Variants in RGS7 observed in about 807,000 individuals in gnomAD.
The protein encoded by RGS7 is regulator of G protein signaling 7.
RGS7 carries 27 observed loss-of-function variants against 81.1 expected under a neutral mutation model. That is an observed-to-expected ratio of 0.33 (90% confidence interval 0.25 to 0.46). The LOEUF is 0.46. RGS7 is among the 20% of genes least tolerant of loss of function. The pLI is 1.00. For missense variants in RGS7, 396 were observed against 607.4 expected (o/e 0.65, Z 3.66); for synonymous variants, 208 against 207.7 (o/e 1.00, Z -0.01).
At chr1:240,956,687 A>C (rs1456398256) in intron 4 of RGS7, among the ~76,000 whole-genome samples, 1 of 152,162 alleles carries the variant, frequency 6.6e-6, no homozygotes, top group African/African-American at 2.4e-5. Flanking sequence ...TAACTGAAAG[A>C]AGCCACTCTA....
intron 2 of RGS7, among the ~76,000 whole-genome samples, chr1:241,129,778 T>A (rs1255224995): frequency 5.3e-5 from 8 of 151,982 alleles, no homozygotes. Context: ...CCAAAAAACT[T>A]CCAGGTGTTA....
At chr1:241,044,198 C>T (rs923015998) in intron 3 of RGS7, among the ~76,000 whole-genome samples, 3 of 151,346 alleles carry the variant, frequency 2.0e-5, no homozygotes, top group East Asian at 1.9e-4. Context: ...ACTGCAACCC[C>T]GCCTCCTGGG....
At chr1:240,932,868 G>T (rs1675762009) in intron 5 of RGS7, among the ~76,000 whole-genome samples, 2 of 138,496 alleles carry the variant, frequency 1.4e-5, no homozygotes, top group Admixed American at 7.4e-5. Flanking sequence ...TTCTACTTTG[G>T]TATCTTTCTT....
chr1:241,141,856 A>G (rs2067943129), intron 2 of RGS7, among the ~76,000 whole-genome samples: 1 of 152,188 alleles, frequency 6.6e-6, no homozygotes, highest in African/African-American at 2.4e-5. Context: ...CCACAGTCCA[A>G]AGTCTCATCT....
intron 3 of RGS7, among the ~76,000 whole-genome samples, chr1:241,056,708 A>C (rs1368703841): frequency 6.6e-6 from 1 of 152,230 alleles, no homozygotes; most frequent in Non-Finnish European, 1.5e-5. Context: ...GTTCAGTCCA[A>C]GAGACCATTC....
intron 9 of RGS7, among the ~76,000 whole-genome samples, chr1:240,853,483 T>C (rs2147940657): frequency 6.6e-6 from 1 of 152,250 alleles, no homozygotes; most frequent in East Asian, 1.9e-4. Context: ...TGGGAATCAT[T>C]TGAAAATTTA....
At chr1:240,866,944 T>C (rs1256364359) in intron 9 of RGS7, among the ~76,000 whole-genome samples, 2 of 152,206 alleles carry the variant, frequency 1.3e-5, no homozygotes, top group East Asian at 1.9e-4. Context: ...AGCCACCAGA[T>C]GTCCAGGGGA....
chr1:241,009,681 T>A (rs2058855286), intron 3 of RGS7, among the ~76,000 whole-genome samples: 1 of 152,196 alleles, frequency 6.6e-6, no homozygotes, highest in African/African-American at 2.4e-5. Context: ...GACACACGAC[T>A]GTAAACCCAG....
chr1:241,337,344 CAT>C (rs1558333598), intron 2 of RGS7, among the ~76,000 whole-genome samples: 1 of 152,150 alleles, frequency 6.6e-6, no homozygotes, highest in African/African-American at 2.4e-5. Context: ...GTTGAACAAT[CAT>C]TTAATGGACA....
intron 2 of RGS7, among the ~76,000 whole-genome samples, chr1:241,313,261 C>G (rs142191621): frequency 6.6e-6 from 1 of 152,336 alleles, no homozygotes; most frequent in African/African-American, 2.4e-5. Flanking sequence ...AATAGATTTT[C>G]CTTGTAGATG....
chr1:240,933,156 A>T lies in RGS7; in HGVS notation c.334-2388T>A, dbSNP rs757004453. On this transcript the variant is annotated intron_variant, in intron 5 of 18. Coordinates refer to ENST00000440928, the MANE Select transcript of RGS7 (RefSeq NM_001364886.1). ...CTCGGCCCCACAAAGTGCTGGGATT[A>T]CAGGTGTGAGCCACCGCGCCCGGCC... Among the ~76,000 whole-genome samples, 47 of 151,574 alleles carry T rather than the reference A, an allele frequency of 3.1e-4. 2 individuals are homozygous for T. The highest frequency in any genetic ancestry group is 6.0e-4 in the Non-Finnish European group (41 of 67,840).
At chr1:240,801,284 A>G (rs879200021) in intron 17 of RGS7, among the ~76,000 whole-genome samples, 171 bp downstream of exon 17, 1 of 152,168 alleles carries the variant, frequency 6.6e-6, no homozygotes, top group African/African-American at 2.4e-5. Context: ...TACTTTGGAA[A>G]GGGATGGGAC....
chr1:241,102,086 G>T (rs12141914), intron 2 of RGS7, among the ~76,000 whole-genome samples: 275 of 152,200 alleles, frequency 1.8e-3, no homozygotes, highest in Admixed American at 5.0e-3. Context: ...AAATAGGATT[G>T]GTGTTCTAGA....
intron 2 of RGS7, among the ~76,000 whole-genome samples, chr1:241,352,839 T>G (rs2083330724): frequency 6.6e-6 from 1 of 152,352 alleles, no homozygotes; most frequent in South Asian, 2.1e-4. Flanking sequence ...CACAAGAAAT[T>G]TACACATCCC....
chr1:241,051,490 G>A (rs562297894), intron 3 of RGS7, among the ~76,000 whole-genome samples: 10 of 152,070 alleles, frequency 6.6e-5, no homozygotes, highest in African/African-American at 9.7e-5. Flanking sequence ...CAGACTTCAC[G>A]TCCTAGCTTT....
chr1:240,787,759 A>C (rs1685308441), intron 18 of RGS7, among the ~76,000 whole-genome samples: 1 of 152,232 alleles, frequency 6.6e-6, no homozygotes, highest in Non-Finnish European at 1.5e-5. Context: ...GCCAACATAC[A>C]CTAAAGTGAA....
At chr1:241,345,831 C>T (rs1038465291) in intron 2 of RGS7, among the ~76,000 whole-genome samples, 5 of 152,070 alleles carry the variant, frequency 3.3e-5, no homozygotes, top group African/African-American at 1.2e-4. Flanking sequence ...TCCTGGCCAA[C>T]ACGGTGAAAC....
At chr1:241,183,617 C>T (rs982585000) in intron 2 of RGS7, among the ~76,000 whole-genome samples, 1 of 152,180 alleles carries the variant, frequency 6.6e-6, no homozygotes, top group African/African-American at 2.4e-5. Context: ...AGGAGTCAAA[C>T]TGGGTCAAGT....
chr1:241,165,818 A>G (rs1001074618), intron 2 of RGS7, among the ~76,000 whole-genome samples: 6 of 152,024 alleles, frequency 3.9e-5, no homozygotes, highest in Non-Finnish European at 8.8e-5. Context: ...CTGAAAAAAA[A>G]AAAGAAAGAA....
Sources: allele counts gnomAD v4.1 joint callset (sites outside exome capture counted in the v4.1 genomes callset), GRCh38; gene constraint gnomAD v4.1.1; transcripts MANE v1.5; gene names NCBI Gene and HGNC (gene_info 2026-07-23, HGNC 2026-07-21).